The following FUT9 variants were observed in gnomAD, a reference collection of about 807,000 sequenced individuals.
FUT9 encodes the protein fucosyltransferase 9, also known as 4-galactosyl-N-acetylglucosaminide 3-alpha-L-fucosyltransferase 9.
A neutral mutation model predicts 29.7 loss-of-function variants in FUT9; 15 were observed. The ratio of observed to expected loss-of-function variants is 0.51; its 90% confidence interval spans 0.34 to 0.78. FUT9 has a LOEUF of 0.78. Among genes scored for constraint, FUT9 ranks in the 30% least tolerant of loss-of-function variants. The pLI, the probability that FUT9 is intolerant of heterozygous loss-of-function variation, is 0.01. For missense variants in FUT9, 319 were observed against 425.4 expected (o/e 0.75, Z 2.20); for synonymous variants, 169 against 153.7 (o/e 1.10, Z -0.74).
intron 1 of FUT9, among the ~76,000 whole-genome samples, chr6:96,085,911 G>T (rs1249610772): frequency 6.6e-6 from 1 of 152,066 alleles, no homozygotes; most frequent in South Asian, 2.1e-4. Flanking sequence ...AAACAACATT[G>T]TTATGTTTAT....
chr6:96,069,715 T>TC lies in FUT9; in HGVS notation c.-97-44322dup, dbSNP rs553923180. Among the ~76,000 whole-genome samples the TC allele has an allele frequency of 2.4e-3, 361 of 151,960 alleles. 5 individuals carry two copies. Among genetic ancestry groups the TC allele is most frequent in the African/African-American group, 8.4e-3 (347 of 41,464 alleles). On this transcript the variant is annotated intron_variant, in intron 1 of 2. Coordinates refer to ENST00000302103, the MANE Select transcript of FUT9 (RefSeq NM_006581.4). ...GGTGCGATCTTGGCTCACTGCAACA[T>TC]CCACCTCCCAGGTTCAAGCGATTCT...
chr6:96,190,782 A>C (rs895906064), intron 2 of FUT9, among the ~76,000 whole-genome samples: 1 of 151,950 alleles, frequency 6.6e-6, no homozygotes, highest in East Asian at 1.9e-4. Flanking sequence ...ACTTCTCTAC[A>C]CTGGTTATTC....
At chr6:96,153,146 G>T (rs11969670) in intron 2 of FUT9, among the ~76,000 whole-genome samples, 24,083 of 152,104 alleles carry the variant, frequency 0.16, 2,109 homozygotes, top group African/African-American at 0.19. Flanking sequence ...CTTACAAAAA[G>T]TATTTAATTG....
chr6:96,154,364 G>T (rs767317030), intron 2 of FUT9, among the ~76,000 whole-genome samples: 1 of 152,120 alleles, frequency 6.6e-6, no homozygotes, highest in Non-Finnish European at 1.5e-5. Context: ...TAAAAATTAT[G>T]ATTTTTCTTA....
chr6:96,044,771 A>T (rs557090427), intron 1 of FUT9, among the ~76,000 whole-genome samples: 1 of 152,184 alleles, frequency 6.6e-6, no homozygotes, highest in Non-Finnish European at 1.5e-5. Flanking sequence ...ATATTCAATG[A>T]GTCATATGAA....
chr6:96,022,348 T>G (rs1770083861), intron 1 of FUT9, among the ~76,000 whole-genome samples: 1 of 152,016 alleles, frequency 6.6e-6, no homozygotes, highest in South Asian at 2.1e-4. Context: ...CTTGTCCTAT[T>G]TGTCTTCACC....
At chr6:96,016,768 T>C (rs1360047429) in intron 1 of FUT9, among the ~76,000 whole-genome samples, 1 of 152,216 alleles carries the variant, frequency 6.6e-6, no homozygotes, top group East Asian at 1.9e-4. Context: ...TGTCCAGATT[T>C]TCTGACAGTC....
chr6:96,038,031 G>A (rs1050072762), intron 1 of FUT9, among the ~76,000 whole-genome samples: 1 of 152,116 alleles, frequency 6.6e-6, no homozygotes, highest in Non-Finnish European at 1.5e-5. Flanking sequence ...GCAGGTGTGT[G>A]GTGCCTTGAA....
At chr6:96,040,898 C>T (rs1219597773) in intron 1 of FUT9, among the ~76,000 whole-genome samples, 1 of 151,854 alleles carries the variant, frequency 6.6e-6, no homozygotes, top group African/African-American at 2.4e-5. Context: ...TTATTTGTTT[C>T]TACTATTGTT....
At chr6:96,045,552 T>C (rs1030522126) in intron 1 of FUT9, among the ~76,000 whole-genome samples, 5 of 152,234 alleles carry the variant, frequency 3.3e-5, no homozygotes, top group Admixed American at 3.3e-4. Context: ...TTAAATTACC[T>C]AAGTATCCCA....
intron 2 of FUT9, among the ~76,000 whole-genome samples, chr6:96,117,870 A>G (rs1054359940): frequency 2.0e-5 from 3 of 152,208 alleles, no homozygotes; most frequent in Non-Finnish European, 4.4e-5. Flanking sequence ...ATTTAAATTC[A>G]AAATTTTTAC....
intron 1 of FUT9, among the ~76,000 whole-genome samples, chr6:96,043,152 T>G (rs6915374): frequency 5.3e-5 from 8 of 151,898 alleles, no homozygotes; most frequent in Non-Finnish European, 1.0e-4. Context: ...CCCGGGTTCA[T>G]GCCATTCTCC....
At chr6:96,046,743 T>C (rs1023320831) in intron 1 of FUT9, among the ~76,000 whole-genome samples, 1 of 152,240 alleles carries the variant, frequency 6.6e-6, no homozygotes, top group Non-Finnish European at 1.5e-5. Flanking sequence ...AATGAAGATA[T>C]ATGTTTTATC....
At chr6:96,025,603 G>C (rs1057494204) in intron 1 of FUT9, among the ~76,000 whole-genome samples, 8 of 151,678 alleles carry the variant, frequency 5.3e-5, no homozygotes, top group African/African-American at 1.9e-4. Context: ...GAATCAGAGA[G>C]CAGGGAAGGA....
intron 2 of FUT9, among the ~76,000 whole-genome samples, chr6:96,200,417 G>T (rs1227196341): frequency 2.0e-5 from 3 of 152,118 alleles, no homozygotes; most frequent in Non-Finnish European, 4.4e-5. Flanking sequence ...CAGTGGTTAA[G>T]CTGGTTACTT....
chr6:96,196,108 C>T (rs566854072), intron 2 of FUT9, among the ~76,000 whole-genome samples: 4 of 152,170 alleles, frequency 2.6e-5, no homozygotes, highest in African/African-American at 4.8e-5. Flanking sequence ...GGGAAGAAGA[C>T]GGGGAAGCGA....
intron 2 of FUT9, among the ~76,000 whole-genome samples, chr6:96,187,970 C>T (rs1773434587): frequency 6.6e-6 from 1 of 152,044 alleles, no homozygotes; most frequent in Non-Finnish European, 1.5e-5. Flanking sequence ...CATCATTAAT[C>T]CTTGATGTTC....
intron 1 of FUT9, among the ~76,000 whole-genome samples, chr6:96,083,066 C>T (rs1462348113): frequency 6.6e-6 from 1 of 152,000 alleles, no homozygotes; most frequent in Non-Finnish European, 1.5e-5. Context: ...ATTCTCCTTA[C>T]TATCACACAC....
intron 2 of FUT9, among the ~76,000 whole-genome samples, chr6:96,153,647 T>G (rs1006566403): frequency 6.6e-6 from 1 of 152,132 alleles, no homozygotes; most frequent in African/African-American, 2.4e-5. Context: ...AGGTCTTCAG[T>G]CAGGCGAGAC....
Sources: allele counts gnomAD v4.1 joint callset (sites outside exome capture counted in the v4.1 genomes callset), GRCh38; gene constraint gnomAD v4.1.1; transcripts MANE v1.5; gene names NCBI Gene and HGNC (gene_info 2026-07-23, HGNC 2026-07-21).